Variants in TRMT9B observed in about 807,000 individuals in gnomAD.
The protein encoded by TRMT9B is probable tRNA methyltransferase 9B.
Under a neutral mutation model 11.5 loss-of-function variants are expected in TRMT9B, and 16 were observed. That is an observed-to-expected ratio of 1.39 (90% CI 0.94 to 2.11). The LOEUF (loss-of-function observed/expected upper bound fraction) is 2.11, where lower values mean the gene tolerates loss of function less well. Among genes scored for constraint, TRMT9B ranks in the 30% most tolerant of loss-of-function variants. The probability of loss-of-function intolerance (pLI) is 0.00; values close to 1 mark genes in which losing one functional copy is unlikely to be tolerated. For synonymous variants in TRMT9B, 274 were observed against 192.4 expected, an observed-to-expected ratio of 1.42 and a Z score of -3.51; for missense variants, 941 against 553.8, an observed-to-expected ratio of 1.70 and a Z score of -7.02.
intron 1 of TRMT9B, among the ~76,000 whole-genome samples, chr8:12,948,790 C>T (rs1432915572): frequency 6.6e-6 from 1 of 152,022 alleles, no homozygotes; most frequent in African/African-American, 2.4e-5. Flanking sequence ...GAAACCTCAT[C>T]TCTACTAAAA....
intron 1 of TRMT9B, among the ~76,000 whole-genome samples, chr8:12,980,071 T>G (rs1184873681): frequency 6.6e-6 from 1 of 152,128 alleles, no homozygotes; most frequent in Non-Finnish European, 1.5e-5. Flanking sequence ...GCATCTATAT[T>G]TGTTTCCCGG....
At chr8:12,958,442 A>G (rs1240838358) in intron 1 of TRMT9B, 2 of 152,258 alleles carry the variant, frequency 1.3e-5, no homozygotes, top group African/African-American at 4.8e-5. Flanking sequence ...TTTCTCCAGC[A>G]TAGTACTGCA....
rs748992362 is a variant in TRMT9B, at chr8:13,012,666, C to G, written c.155-18C>G. ...TTTCCATTGAGGATAGCATGTAACG[C>G]AGGTTTTTCTCTTATAGGTTGTGGG... On this transcript the variant is annotated intron_variant, in intron 3 of 4. Transcript: ENST00000524591. 1.1e-5 allele frequency: 17 copies of G among 1,596,648 alleles called. No individual in the cohort carries two copies. Among genetic ancestry groups the G allele is most frequent in the Non-Finnish European group, 1.5e-5 (17 of 1,169,410 alleles).
intron 1 of TRMT9B, chr8:12,958,286 G>C (rs74302454): frequency 1.3e-5 from 2 of 152,120 alleles, no homozygotes; most frequent in Non-Finnish European, 2.9e-5. Context: ...TAATGCTGCC[G>C]TGAATATGAG....
chr8:12,987,251 TA>T (rs1806474320), intron 1 of TRMT9B, among the ~76,000 whole-genome samples: 1 of 152,200 alleles, frequency 6.6e-6, no homozygotes, highest in African/African-American at 2.4e-5. Context: ...GTAGTTCCTA[TA>T]TTATATAGTT....
rs1804917156 is a variant in TRMT9B at position 12,978,997 on chromosome 8, A to G, written c.-199-11837A>G. The stretch of plus-strand genomic sequence containing the variant: ...CTGGTGTGTAAACCTTCTGGGTTTG[A>G]CTTTGTAATATTTTTTCTCTGGAAC... On this transcript the variant is annotated intron_variant, in intron 1 of 4. Transcript: ENST00000524591. Among the ~76,000 whole-genome samples the G allele has an allele frequency of 2.0e-5, 3 of 152,040 alleles. No individual in the cohort carries two copies. The South Asian group carries it at 6.2e-4, about 32-fold the overall frequency.
At chr8:13,016,890 A>C (rs933272471) in intron 4 of TRMT9B, among the ~76,000 whole-genome samples, 9 of 150,174 alleles carry the variant, frequency 6.0e-5, no homozygotes, top group African/African-American at 2.2e-4. Context: ...ACTTTGGGAG[A>C]CTGAGGCAGG....
rs1815058661 is a variant in TRMT9B, at chr8:13,029,053, A to G, written c.*7009A>G. On this transcript the variant is annotated 3_prime_UTR_variant, in exon 5 of 5. Coordinates refer to ENST00000524591, the MANE Select transcript of TRMT9B (RefSeq NM_020844.3). ...ATGTCTGTAAATATATATATAACACACATATATATATATTCCTAGACATCT... is the reference window on the plus strand; with the variant it reads ...ATGTCTGTAAATATATATATAACACGCATATATATATATTCCTAGACATCT... The G allele has an allele frequency of 6.0e-6, 1 of 166,652 alleles. No homozygotes were observed. The highest frequency in any genetic ancestry group is 1.5e-5 in the Non-Finnish European group (1 of 68,112). 10.3% of individuals were successfully genotyped at this position (166,652 alleles called of 1,614,324 possible).
rs886323468 is a variant in TRMT9B at position 13,021,218 on chromosome 8, A to T, written c.539A>T (p.Gln180Leu). ...SESSQSGRKR[Q>L]CGYPERGHPY... ...TCCAGCCAGTCTGGGAGGAAGAGGC[A>T]GTGTGGATACCCAGAAAGAGGCCAT... The change falls in exon 5 of 5, where the codon CAG (glutamine) becomes CTG (leucine). Residue 180 changes from glutamine to leucine, a missense_variant. Physicochemically the swap from Gln to Leu is moderately radical, Grantham distance 113. Coordinates refer to ENST00000524591, the MANE Select transcript of TRMT9B (RefSeq NM_020844.3). 5 of 1,613,758 alleles carry T rather than the reference A, an allele frequency of 3.1e-6. No individual in the cohort carries two copies. The African/African-American group carries it at 4.0e-5, about 13-fold the overall frequency.
intron 1 of TRMT9B, among the ~76,000 whole-genome samples, chr8:12,948,019 G>C (rs138602880): frequency 5.3e-5 from 8 of 152,212 alleles, no homozygotes; most frequent in Non-Finnish European, 8.8e-5. Flanking sequence ...AGTTAACTGA[G>C]AAAGGTCATA....
At chr8:12,954,701 A>T (rs1163746931) in intron 1 of TRMT9B, among the ~76,000 whole-genome samples, 1 of 152,240 alleles carries the variant, frequency 6.6e-6, no homozygotes, top group East Asian at 1.9e-4. Flanking sequence ...ATGGCCATTT[A>T]AATGTCCTTC....
intron 4 of TRMT9B, among the ~76,000 whole-genome samples, chr8:13,020,115 T>C (rs1460459650): frequency 1.3e-5 from 2 of 152,224 alleles, no homozygotes; most frequent in African/African-American, 2.4e-5. Flanking sequence ...TTGGATTATT[T>C]TGACCCTTAG....
chr8:12,959,523 T>C (rs1259265695), intron 1 of TRMT9B, among the ~76,000 whole-genome samples: 4 of 127,820 alleles, frequency 3.1e-5, no homozygotes, highest in African/African-American at 1.2e-4. Context: ...TTCCTTTTTT[T>C]TTTTTTTTTT....
chr8:12,952,675 C>T (rs944285101), intron 1 of TRMT9B: 23 of 984,342 alleles, frequency 2.3e-5, no homozygotes, highest in Non-Finnish European at 2.7e-5. Flanking sequence ...GATGAAAATA[C>T]AGTTTAAGAA....
chr8:13,012,551 G>T lies in TRMT9B; in HGVS notation c.155-133G>T, dbSNP rs1306346149. 5.0e-6 allele frequency: 6 copies of T among 1,189,372 alleles called. No homozygotes were observed. In the African/African-American group the frequency reaches 7.8e-5, roughly 15 times the overall value. 73.7% of individuals were successfully genotyped at this position (1,189,372 alleles called of 1,614,324 possible). ...GATTGCGCCACTGCACTCCAGCCTG[G>T]GTGACTGAGGGAGACTCTGTCTCAA... On this transcript the variant is annotated intron_variant, in intron 3 of 4. Transcript: ENST00000524591.
intron 1 of TRMT9B, among the ~76,000 whole-genome samples, chr8:12,990,028 G>A (rs113691510): frequency 4.5e-4 from 68 of 152,242 alleles, no homozygotes; most frequent in African/African-American, 1.5e-3. Context: ...GGGGAATGTT[G>A]GGGGAAGGCA....
chr8:13,021,767 G>T lies in TRMT9B; in HGVS notation c.1088G>T (p.Gly363Val), dbSNP rs149879150. ...TNTGVNCVDA[G>V]NIEDDNPSAS... The stretch of plus-strand genomic sequence containing the variant: ...ACTGGTGTGAATTGTGTGGATGCAG[G>T]CAACATAGAAGATGATAATCCTTCT... The change falls in exon 5 of 5, where the codon GGC (glycine) becomes GTC (valine). Residue 363 changes from glycine to valine, a missense_variant. Coordinates refer to ENST00000524591, the MANE Select transcript of TRMT9B (RefSeq NM_020844.3). 3.5e-4 allele frequency: 560 copies of T among 1,613,912 alleles called. 2 individuals carry two copies. The African/African-American group carries it at 6.2e-3, about 18-fold the overall frequency.
At chr8:12,981,308 C>T (rs1195226651) in intron 1 of TRMT9B, among the ~76,000 whole-genome samples, 6 of 152,194 alleles carry the variant, frequency 3.9e-5, no homozygotes, top group Non-Finnish European at 7.3e-5. Flanking sequence ...CATTGGCTGG[C>T]TACTTCAAAT....
At chr8:13,009,570 T>C (rs965757419) in intron 3 of TRMT9B, among the ~76,000 whole-genome samples, 16 of 152,164 alleles carry the variant, frequency 1.1e-4, no homozygotes, top group African/African-American at 3.6e-4. Context: ...TTTTGAGATG[T>C]TTTATGTAAA....
Sources: gnomAD v4.1 joint callset for allele counts (sites outside exome capture counted in the v4.1 genomes callset) on GRCh38, gnomAD v4.1.1 for gene constraint, MANE v1.5 for transcripts, NCBI Gene and HGNC (gene_info 2026-07-23, HGNC 2026-07-21) for gene names.